Variants in CDK8 observed in about 807,000 individuals in gnomAD.
CDK8 encodes the protein cyclin-dependent kinase 8.
Under a neutral mutation model 71.5 loss-of-function variants are expected in CDK8, and 29 were observed. That is an observed-to-expected ratio of 0.41 (90% CI 0.30 to 0.55). The LOEUF (loss-of-function observed/expected upper bound fraction) is 0.55. CDK8 is among the 20% of genes least tolerant of loss of function. The probability of loss-of-function intolerance (pLI) is 0.37; values close to 1 mark genes in which losing one functional copy is unlikely to be tolerated. For missense variants in CDK8, 288 were observed against 572.6 expected, an observed-to-expected ratio of 0.50 and a Z score of 5.07; for synonymous variants, 161 against 192.1, an observed-to-expected ratio of 0.84 and a Z score of 1.34.
At chr13:26,285,228 G>A (rs1566471585) in intron 1 of CDK8, among the ~76,000 whole-genome samples, 1 of 151,900 alleles carries the variant, frequency 6.6e-6, no homozygotes, top group Admixed American at 6.6e-5. Flanking sequence ...GCGAAACTCC[G>A]TCTCAAAAAA....
intron 6 of CDK8, 22 bp downstream of exon 6, chr13:26,385,364 T>G: frequency 6.4e-7 from 1 of 1,570,950 alleles, no homozygotes; most frequent in Non-Finnish European, 8.6e-7. Context: ...TAATTAAAAT[T>G]CCATGAGTTT....
intron 1 of CDK8, among the ~76,000 whole-genome samples, chr13:26,318,686 A>G (rs570312480): frequency 6.6e-6 from 1 of 152,354 alleles, no homozygotes; most frequent in South Asian, 2.1e-4. Flanking sequence ...AATATACCAC[A>G]TTAACAGAAT....
intron 1 of CDK8, among the ~76,000 whole-genome samples, chr13:26,264,576 A>G (rs1871939159): frequency 1.3e-5 from 2 of 152,244 alleles, no homozygotes; most frequent in African/African-American, 4.8e-5. Flanking sequence ...GTATATATGC[A>G]TAGTGGTGAA....
intron 4 of CDK8, among the ~76,000 whole-genome samples, chr13:26,382,166 A>T (rs1245388545): frequency 6.6e-6 from 1 of 152,180 alleles, no homozygotes; most frequent in Non-Finnish European, 1.5e-5. Context: ...ACCACCATAA[A>T]AGACTATAGG....
chr13:26,281,498 A>G (rs1872742719), intron 1 of CDK8, among the ~76,000 whole-genome samples: 1 of 111,512 alleles, frequency 9.0e-6, no homozygotes, highest in African/African-American at 6.1e-5. Context: ...CTTGAGTTCC[A>G]GATTTTTCCA....
At chr13:26,402,450 A>G (rs894395349) in intron 12 of CDK8, among the ~76,000 whole-genome samples, 3 of 152,212 alleles carry the variant, frequency 2.0e-5, no homozygotes, top group African/African-American at 7.2e-5. Flanking sequence ...AAATCTGACC[A>G]ATTAGAATTA....
At chr13:26,364,394 G>T (rs1874285718) in intron 4 of CDK8, among the ~76,000 whole-genome samples, 2 of 152,104 alleles carry the variant, frequency 1.3e-5, no homozygotes, top group South Asian at 4.2e-4. Flanking sequence ...ATTTTACTGT[G>T]GGTTGTGTTG....
chr13:26,359,026 G>A, intron 4 of CDK8: 1 of 303,744 alleles, frequency 3.3e-6, no homozygotes, highest in Non-Finnish European at 6.6e-6. Context: ...GACTCTGTCT[G>A]TAAAATAAAA....
intron 6 of CDK8, among the ~76,000 whole-genome samples, chr13:26,392,773 T>A (rs964615378): frequency 2.6e-5 from 4 of 152,194 alleles, no homozygotes; most frequent in Non-Finnish European, 5.9e-5. Context: ...TGCTGTTAAT[T>A]CTTAGGCGTT....
In CDK8 at chr13:26,355,049, G is replaced by A. The variant is rs146207557; in HGVS notation, c.456+1169G>A. Reference sequence around the variant, plus strand: ...GGAAATATCCTGTAGGCTATGAGGCGGAGCCCATCTGGTCTCTCGCAAAGA... The same window carrying A: ...GGAAATATCCTGTAGGCTATGAGGCAGAGCCCATCTGGTCTCTCGCAAAGA... On this transcript the variant is annotated intron_variant, in intron 4 of 12. Coordinates refer to ENST00000381527, the MANE Select transcript of CDK8 (RefSeq NM_001260.3). 8.5e-5 allele frequency among the ~76,000 whole-genome samples: 13 copies of A among 152,234 alleles called. No homozygotes were observed. The East Asian group carries it at 2.3e-3, about 27-fold the overall frequency.
chr13:26,332,091 C>A (rs9581639), intron 1 of CDK8, among the ~76,000 whole-genome samples: 4,191 of 152,178 alleles, frequency 0.028, 187 homozygotes, highest in African/African-American at 0.096. Context: ...AGATTGACTT[C>A]TTGATTTCTT....
chr13:26,401,371 A>G lies in CDK8; in HGVS notation c.1110+24A>G. 1 of 1,611,790 alleles carries G rather than the reference A, an allele frequency of 6.2e-7. No individual in the cohort carries two copies. Among genetic ancestry groups the G allele is most frequent in the Non-Finnish European group, 8.5e-7 (1 of 1,178,018 alleles). The stretch of plus-strand genomic sequence containing the variant: ...AAGTAAGTATTAAAGTACTGTTAGC[A>G]GCTTCTTGTTTCGTGAATGCCTCCA... On this transcript the variant is annotated intron_variant, in intron 11 of 12. Coordinates refer to ENST00000381527, the MANE Select transcript of CDK8 (RefSeq NM_001260.3). This position sits in a 1 kb window ranked among gnomAD's most constrained non-coding sequence, Gnocchi z 4.5.
chr13:26,393,208 A>G (rs1382466587), intron 6 of CDK8, among the ~76,000 whole-genome samples, 159 bp from the exon 7 acceptor site: 6 of 152,200 alleles, frequency 3.9e-5, no homozygotes, highest in Non-Finnish European at 8.8e-5. Flanking sequence ...ATAATTGCTT[A>G]GGAATTAATA....
At chr13:26,370,458 A>G in intron 4 of CDK8, among the ~76,000 whole-genome samples, 1 of 152,196 alleles carries the variant, frequency 6.6e-6, no homozygotes, top group East Asian at 1.9e-4. Flanking sequence ...AACAGTGTTC[A>G]TTTCTGGTTG....
intron 1 of CDK8, among the ~76,000 whole-genome samples, chr13:26,285,236 AAAAC>A (rs1487458223): frequency 6.7e-6 from 1 of 149,060 alleles, no homozygotes; most frequent in African/African-American, 2.6e-5. Flanking sequence ...CCGTCTCAAA[AAAAC>A]AAAACAAAAC....
intron 2 of CDK8, among the ~76,000 whole-genome samples, chr13:26,348,079 T>C (rs1385114605): frequency 6.6e-6 from 1 of 151,898 alleles, no homozygotes; most frequent in Non-Finnish European, 1.5e-5. Context: ...GATATCTATA[T>C]ATATATCTAT....
chr13:26,322,995 TGGTTGATTCTTGTTTGTTTTTTGGGC>T (rs1874850612), intron 1 of CDK8, among the ~76,000 whole-genome samples: 1 of 152,148 alleles, frequency 6.6e-6, no homozygotes, highest in African/African-American at 2.4e-5. Flanking sequence ...TTTAACTGGA[TGGTTGATTCTTGTTTGTTTTTTGGGC>T]AATAGGTACA....
At chr13:26,282,763 A>G (rs766253832) in intron 1 of CDK8, among the ~76,000 whole-genome samples, 2 of 152,232 alleles carry the variant, frequency 1.3e-5, no homozygotes, top group Non-Finnish European at 2.9e-5. Flanking sequence ...CTTAAAATAC[A>G]TATAATGGCA....
chr13:26,280,862 G>A (rs1872719085), intron 1 of CDK8, among the ~76,000 whole-genome samples: 1 of 152,220 alleles, frequency 6.6e-6, no homozygotes, highest in Non-Finnish European at 1.5e-5. Flanking sequence ...AACAGCATGT[G>A]GAGACTCACA....
Sources: gnomAD v4.1 joint callset for allele counts (sites outside exome capture counted in the v4.1 genomes callset) on GRCh38, gnomAD v4.1.1 for gene constraint, Gnocchi (gnomAD v3.1) non-coding constraint, MANE v1.5 for transcripts, NCBI Gene and HGNC (gene_info 2026-07-23, HGNC 2026-07-21) for gene names.